Variants in FYTTD1 observed in about 807,000 individuals in gnomAD.
FYTTD1 encodes forty-two-three domain containing 1, also known as UAP56-interacting factor.
A neutral mutation model predicts 40.9 loss-of-function variants in FYTTD1; 22 were observed. The observed-to-expected ratio is 0.54, with a 90% CI of 0.38 to 0.77. FYTTD1 has a LOEUF of 0.77. Ranked by LOEUF, FYTTD1 falls within the 30% of genes least tolerant of loss-of-function variation. The pLI, the probability that FYTTD1 is intolerant of heterozygous loss-of-function variation, is 0.00. For missense variants in FYTTD1, 351 were observed against 392.2 expected, an observed-to-expected ratio of 0.90 and a Z score of 0.89; for synonymous variants, 140 against 137.9, an observed-to-expected ratio of 1.01 and a Z score of -0.10.
At chr3:197,749,651 G>T (rs1580435883), upstream of FYTTD1, 2 of 853,596 alleles carry the variant, frequency 2.3e-6, no homozygotes, top group East Asian at 9.3e-5. Flanking sequence ...AGATTCAGAG[G>T]TGCCCGCGGT....
chr3:197,782,060 A>G lies in FYTTD1; in HGVS notation c.*151A>G. On this transcript the variant is annotated 3_prime_UTR_variant, in exon 9 of 9. Transcript: ENST00000241502. ...TTTTGAAGGTTTTTTTTTTTAAAAA[A>G]AAAAACGTATAAAATAATGCCCTGA... 2.2e-6 allele frequency: 1 copy of G among 459,350 alleles called. No homozygotes were observed. The highest frequency in any genetic ancestry group is 3.9e-6 in the Non-Finnish European group (1 of 253,262). The allele number at this position is 459,350 out of a possible 1,614,324, so 28.5% of individuals were successfully genotyped here.
chr3:197,784,871 T>G lies in FYTTD1; in HGVS notation c.*2962T>G, dbSNP rs1486979842. 6.6e-6 allele frequency: 1 copy of G among 152,220 alleles called. No homozygotes were observed. Among genetic ancestry groups the G allele is most frequent in the Non-Finnish European group, 1.5e-5 (1 of 68,042 alleles). The allele number at this position is 152,220 out of a possible 1,614,324, so 9.4% of individuals were successfully genotyped here. ...ATGAGCCTTTAGAGACTAATCCAGT[T>G]TAACCCCTCCTTTTTACACCTTAGT... On this transcript the variant is annotated 3_prime_UTR_variant, in exon 9 of 9. Transcript: ENST00000241502.
intron 2 of FYTTD1, chr3:197,763,447 C>A: frequency 2.7e-6 from 1 of 374,542 alleles, no homozygotes; most frequent in Non-Finnish European, 5.2e-6. Context: ...ATTTTAATTG[C>A]AGTAAATATA....
intron 2 of FYTTD1, among the ~76,000 whole-genome samples, chr3:197,762,957 C>G (rs1179199879): frequency 2.0e-5 from 3 of 152,268 alleles, no homozygotes; most frequent in Admixed American, 1.3e-4. Context: ...CCCCGTGATA[C>G]ATGTTTACCT....
intron 2 of FYTTD1, among the ~76,000 whole-genome samples, chr3:197,765,355 A>G (rs1034528729): frequency 7.2e-5 from 11 of 152,162 alleles, no homozygotes; most frequent in African/African-American, 2.7e-4. Context: ...GATTGTTAGC[A>G]TCAGTCTTAT....
chr3:197,770,668 C>T (rs1360566760), intron 4 of FYTTD1, among the ~76,000 whole-genome samples: 1 of 152,132 alleles, frequency 6.6e-6, no homozygotes, highest in East Asian at 1.9e-4. Context: ...CCACATCAGC[C>T]TCCTGAGTAG....
chr3:197,770,698 C>T (rs961776091), intron 4 of FYTTD1, among the ~76,000 whole-genome samples: 1 of 152,118 alleles, frequency 6.6e-6, no homozygotes, highest in Non-Finnish European at 1.5e-5. Context: ...CAGATACATG[C>T]CACCATGCCC....
chr3:197,784,637 C>T lies in FYTTD1; in HGVS notation c.*2728C>T, dbSNP rs1730113489. 6.6e-6 allele frequency: 1 copy of T among 152,070 alleles called. No homozygotes were observed. Among genetic ancestry groups the T allele is most frequent in the South Asian group, 2.1e-4 (1 of 4,816 alleles). 9.4% of individuals were successfully genotyped at this position (152,070 alleles called of 1,614,324 possible). ...GGAGACTCTATCTTTACTAAAAATA[C>T]AGACATTAGCTGGTGTGGTGACATG... On this transcript the variant is annotated 3_prime_UTR_variant, in exon 9 of 9. Coordinates refer to ENST00000241502, the MANE Select transcript of FYTTD1 (RefSeq NM_032288.7).
intron 2 of FYTTD1, among the ~76,000 whole-genome samples, chr3:197,758,105 G>A (rs548897417): frequency 1.8e-4 from 28 of 152,080 alleles, no homozygotes; most frequent in African/African-American, 6.3e-4. Context: ...GTTTCTCCAC[G>A]TTGGTCAGGC....
chr3:197,749,782 G>T, upstream of FYTTD1: 1 of 541,054 alleles, frequency 1.8e-6, no homozygotes, highest in Middle Eastern at 3.1e-4. Context: ...AGCGAGTCAC[G>T]GCGCGGGGCC....
At chr3:197,777,028 A>T (rs1227770969) in intron 7 of FYTTD1, 27 bp downstream of exon 7, 2 of 1,357,718 alleles carry the variant, frequency 1.5e-6, no homozygotes, top group African/African-American at 2.9e-5. Flanking sequence ...TTTTTGCAAA[A>T]ATTATAACCT....
chr3:197,776,869 A>G, intron 6 of FYTTD1, 58 bp from the exon 7 acceptor site: 1 of 1,124,486 alleles, frequency 8.9e-7, no homozygotes, highest in Non-Finnish European at 1.3e-6. Flanking sequence ...TATTTTGAAT[A>G]TACATAGGGT....
chr3:197,754,048 A>G (rs752383883), intron 1 of FYTTD1, among the ~76,000 whole-genome samples: 1 of 152,066 alleles, frequency 6.6e-6, no homozygotes, highest in Admixed American at 6.6e-5. Context: ...CCTATATGCT[A>G]TATTTTAAGA....
rs181734016 is a variant in FYTTD1, at chr3:197,761,555, A to G, written c.235+4998A>G. Among the ~76,000 whole-genome samples, 776 of 152,082 alleles carry G rather than the reference A, an allele frequency of 5.1e-3. 5 individuals are homozygous for G. The highest frequency in any genetic ancestry group is 0.017 in the African/African-American group (704 of 41,482). On this transcript the variant is annotated intron_variant, in intron 2 of 8. Transcript: ENST00000241502. ...GAGTTGTTCCTCAGTGGTAGAATGT[A>G]TAGAGTGTTCTTCAGTGGTAGAATG...
intron 7 of FYTTD1, 108 bp from the exon 8 acceptor site, chr3:197,778,230 A>G (rs73210140): frequency 0.013 from 9,292 of 713,124 alleles, 101 homozygotes; most frequent in Non-Finnish European, 0.014. Flanking sequence ...CACAAATAAA[A>G]TGGCCCTAAT....
chr3:197,770,278 C>G, intron 4 of FYTTD1, 34 bp downstream of exon 4: 1 of 1,256,670 alleles, frequency 8.0e-7, no homozygotes, highest in Non-Finnish European at 1.1e-6. Context: ...TGTTATTTTG[C>G]ATTAAAAACA....
intron 2 of FYTTD1, among the ~76,000 whole-genome samples, chr3:197,764,669 G>A (rs372721880): frequency 2.8e-5 from 4 of 141,714 alleles, no homozygotes; most frequent in African/African-American, 1.1e-4. Context: ...AGATCGCGCC[G>A]CTACACTCCA....
intron 1 of FYTTD1, among the ~76,000 whole-genome samples, chr3:197,754,954 G>A (rs1190667717): frequency 3.3e-5 from 5 of 152,172 alleles, no homozygotes; most frequent in Admixed American, 2.6e-4. Flanking sequence ...CATGTGCCCA[G>A]CTGGATATTT....
chr3:197,760,527 GTA>G (rs2109040592), intron 2 of FYTTD1, among the ~76,000 whole-genome samples: 1 of 149,720 alleles, frequency 6.7e-6, no homozygotes, highest in South Asian at 2.1e-4. Context: ...GGGGTAGAAT[GTA>G]TAGAGTTGTT....
Sources: gnomAD v4.1 joint callset for allele counts (sites outside exome capture counted in the v4.1 genomes callset) on GRCh38, gnomAD v4.1.1 for gene constraint, MANE v1.5 for transcripts, NCBI Gene and HGNC (gene_info 2026-07-23, HGNC 2026-07-21) for gene names.